Variants in ACAD11 observed in about 807,000 individuals in gnomAD.
The protein encoded by ACAD11 is acyl-CoA dehydrogenase family member 11.
A neutral mutation model predicts 102.2 loss-of-function variants in ACAD11; 83 were observed. The observed-to-expected ratio is 0.81, with a 90% CI of 0.68 to 0.97. ACAD11 has a LOEUF of 0.97. ACAD11 is among the 50% of genes least tolerant of loss of function. The pLI, the probability that ACAD11 is intolerant of heterozygous loss-of-function variation, is 0.00. For synonymous variants in ACAD11, 324 were observed against 319.8 expected (o/e 1.01, Z -0.14); for missense variants, 901 against 951.7 (o/e 0.95, Z 0.70).
intron 1 of ACAD11, among the ~76,000 whole-genome samples, chr3:132,650,974 A>G (rs1475668194): frequency 2.0e-5 from 3 of 152,146 alleles, no homozygotes; most frequent in Non-Finnish European, 4.4e-5. Context: ...CCTGGAACTC[A>G]CAGTCTTTCA....
At chr3:132,582,130 G>A (rs772121811) in intron 13 of ACAD11, among the ~76,000 whole-genome samples, 1 of 151,488 alleles carries the variant, frequency 6.6e-6, no homozygotes, top group African/African-American at 2.4e-5. Context: ...ATTATTTGAG[G>A]TTTAAAAAAT....
chr3:132,649,193 C>T (rs1329879996), intron 1 of ACAD11, among the ~76,000 whole-genome samples: 3 of 152,196 alleles, frequency 2.0e-5, no homozygotes, highest in Non-Finnish European at 4.4e-5. Flanking sequence ...AAGACCTGAC[C>T]GTCCCCCAGC....
At chr3:132,612,293 A>G (rs1939189474) in intron 11 of ACAD11, among the ~76,000 whole-genome samples, 1 of 152,034 alleles carries the variant, frequency 6.6e-6, no homozygotes, top group Non-Finnish European at 1.5e-5. Flanking sequence ...CCTAGGCAAT[A>G]CCATTCAGGA....
At chr3:132,589,307 T>A (rs1474789655) in intron 13 of ACAD11, among the ~76,000 whole-genome samples, 6 of 152,214 alleles carry the variant, frequency 3.9e-5, no homozygotes, top group African/African-American at 1.4e-4. Flanking sequence ...AACATTAGGA[T>A]GATTTAATGG....
At chr3:132,579,619 T>A in intron 13 of ACAD11, 61 bp from the exon 14 acceptor site, 1 of 1,371,534 alleles carries the variant, frequency 7.3e-7, no homozygotes, top group Non-Finnish European at 1.0e-6. Context: ...ACATTTCACC[T>A]TGAAGGTTCT....
chr3:132,579,325 A>G lies in ACAD11; in HGVS notation c.1688+167T>C, dbSNP rs912078789. The G allele has an allele frequency of 4.6e-5, 31 of 666,816 alleles. No individual in the cohort carries two copies. The African/African-American group carries it at 5.6e-4, about 12-fold the overall frequency. 41.3% of individuals were successfully genotyped at this position (666,816 alleles called of 1,614,324 possible). On this transcript the variant is annotated intron_variant, in intron 14 of 19. Coordinates refer to ENST00000264990, the MANE Select transcript of ACAD11 (RefSeq NM_032169.5). ...GCAATACTCCCTATAATGTTTTCCA[A>G]AAACACCTGTTAGAAAATACTTGTG...
chr3:132,614,602 T>A (rs1403483035), intron 11 of ACAD11, among the ~76,000 whole-genome samples: 1 of 152,168 alleles, frequency 6.6e-6, no homozygotes, highest in African/African-American at 2.4e-5. Context: ...TAAATGGTGT[T>A]GGGAAAACTG....
chr3:132,639,345 TA>T, intron 5 of ACAD11, 146 bp downstream of exon 5: 2 of 647,188 alleles, frequency 3.1e-6, no homozygotes, highest in Non-Finnish European at 2.4e-6. Flanking sequence ...GACTCCTTTC[TA>T]AAAATTTTGA....
chr3:132,644,782 A>C lies in ACAD11; in HGVS notation c.249+15T>G. 1 of 1,536,468 alleles carries C rather than the reference A, an allele frequency of 6.5e-7. No homozygotes were observed. Among genetic ancestry groups the C allele is most frequent in the Non-Finnish European group, 8.9e-7 (1 of 1,129,234 alleles). On this transcript the variant is annotated intron_variant, in intron 2 of 19. Transcript: ENST00000264990. ...TTGTCACCAAAGAATTTATCATTACATTTGTATACTATACCTGATGTGCTT... is the reference window on the plus strand; with the variant it reads ...TTGTCACCAAAGAATTTATCATTACCTTTGTATACTATACCTGATGTGCTT...
chr3:132,651,451 T>C (rs1158044763), intron 1 of ACAD11, among the ~76,000 whole-genome samples: 2 of 152,224 alleles, frequency 1.3e-5, no homozygotes, highest in African/African-American at 4.8e-5. Flanking sequence ...TCCTTGACAC[T>C]ATCTCAGCCA....
chr3:132,561,800 C>T (rs922311892), intron 17 of ACAD11, among the ~76,000 whole-genome samples: 4 of 152,240 alleles, frequency 2.6e-5, no homozygotes, highest in African/African-American at 9.7e-5. Flanking sequence ...CCACAGAACT[C>T]CCTGGTGCTG....
At chr3:132,583,925 T>C (rs1937677220) in intron 13 of ACAD11, among the ~76,000 whole-genome samples, 1 of 152,242 alleles carries the variant, frequency 6.6e-6, no homozygotes, top group African/African-American at 2.4e-5. Flanking sequence ...CAGTTTGATA[T>C]AATTTCTGTT....
chr3:132,657,923 T>C (rs1336015611), intron 1 of ACAD11, among the ~76,000 whole-genome samples: 1 of 146,728 alleles, frequency 6.8e-6, no homozygotes, highest in African/African-American at 2.5e-5. Context: ...AGCATGGTGG[T>C]GCAATCTTGG....
chr3:132,574,261 T>C (rs1937461288), intron 17 of ACAD11, among the ~76,000 whole-genome samples: 1 of 152,192 alleles, frequency 6.6e-6, no homozygotes, highest in East Asian at 1.9e-4. Context: ...GAAGTAATGG[T>C]TGGTGCCCTG....
Position 132,644,839 on chromosome 3 carries a change from G to A in ACAD11, c.207C>T (p.Leu69=), listed in dbSNP as rs1228637241. 3 of 1,611,108 alleles carry A rather than the reference G, an allele frequency of 1.9e-6. No homozygotes were observed. Among genetic ancestry groups the A allele is most frequent in the Non-Finnish European group, 2.5e-6 (3 of 1,178,900 alleles). ...GAAGTGAACCTGGTGGTTTTTTCCT[G>A]AGCACATATGTTTGAAAGCCCTTCT... ...YLQKGFQTYV[L]RKKPPGSLLP... is the part of the protein sequence containing the mutation. The change falls in exon 2 of 20, where the codon CTC becomes CTT. Residue 69 remains leucine (L), a synonymous_variant. Coordinates refer to ENST00000264990, the MANE Select transcript of ACAD11 (RefSeq NM_032169.5).
chr3:132,633,388 G>A (rs569401675), intron 5 of ACAD11, among the ~76,000 whole-genome samples: 67 of 152,214 alleles, frequency 4.4e-4, no homozygotes, highest in African/African-American at 1.4e-3. Context: ...ACTGATTTGC[G>A]TATGTTGAAC....
intron 5 of ACAD11, 104 bp downstream of exon 5, chr3:132,639,388 C>T: frequency 1.8e-6 from 2 of 1,106,380 alleles, no homozygotes; most frequent in Non-Finnish European, 1.3e-6. Context: ...TGTAGGGGAA[C>T]AGGGAGTGGG....
At chr3:132,655,450 C>G (rs139382134) in intron 1 of ACAD11, among the ~76,000 whole-genome samples, 84 of 152,300 alleles carry the variant, frequency 5.5e-4, no homozygotes, top group Middle Eastern at 3.4e-3. Flanking sequence ...CCCTTGCTTA[C>G]ACTACTTCAG....
chr3:132,657,002 T>G (rs1331609822), intron 1 of ACAD11, among the ~76,000 whole-genome samples: 1 of 152,182 alleles, frequency 6.6e-6, no homozygotes, highest in African/African-American at 2.4e-5. Flanking sequence ...TTCTGTCTTT[T>G]CACTTTAAGT....
Sources: allele counts gnomAD v4.1 joint callset (sites outside exome capture counted in the v4.1 genomes callset), GRCh38; gene constraint gnomAD v4.1.1; transcripts MANE v1.5; gene names NCBI Gene and HGNC (gene_info 2026-07-23, HGNC 2026-07-21).